EFNA3: variants seen among roughly 807,000 people sequenced by gnomAD.
The protein encoded by EFNA3 is ephrin-A3.
In EFNA3, 15 loss-of-function variants were observed where a neutral mutation model predicts 25.0. The ratio of observed to expected loss-of-function variants is 0.60; its 90% CI spans 0.40 to 0.92. The LOEUF (loss-of-function observed/expected upper bound fraction) is 0.92, where lower values mean the gene tolerates loss of function less well. Among genes scored for constraint, EFNA3 ranks in the 40% least tolerant of loss-of-function variants. The pLI is 0.00. For missense variants in EFNA3, 298 were observed against 323.8 expected (o/e 0.92, Z 0.61); for synonymous variants, 153 against 145.6 (o/e 1.05, Z -0.37).
intron 1 of EFNA3, among the ~76,000 whole-genome samples, chr1:155,082,403 C>G (rs1349187596): frequency 1.3e-5 from 2 of 152,242 alleles, no homozygotes; most frequent in Non-Finnish European, 2.9e-5. Flanking sequence ...CCCTGTTTAC[C>G]TGCCCTAATT....
chr1:155,078,961 TGCTGCTGCTGCTGCTCGTGCCCGTGCC>T lies in EFNA3; in HGVS notation c.29_55del (p.Leu10_Leu18del). 1 of 1,421,934 alleles carries T rather than the reference TGCTGCTGCTGCTGCTCGTGCCCGTGCC, an allele frequency of 7.0e-7. No homozygotes were observed. Among genetic ancestry groups the T allele is most frequent in the Non-Finnish European group, 9.2e-7 (1 of 1,086,908 alleles). 88.1% of individuals were successfully genotyped at this position (1,421,934 alleles called of 1,614,324 possible). A position where few individuals can be genotyped will look rare whatever the true frequency, so the allele number is the denominator to read the frequency against. On this transcript the variant is annotated inframe_deletion, in exon 1 of 5. Transcript: ENST00000368408. ...CCGGGGATGGCGGCGGCTCCGCTGCTGCTGCTGCTGCTGCTCGTGCCCGTGCCGCTGCTGCCGCTGCTGGCCCAAGGG... is the reference window on the plus strand; with the variant it reads ...CCGGGGATGGCGGCGGCTCCGCTGCTGCTGCTGCCGCTGCTGGCCCAAGGG...
At position 155,081,118 on chromosome 1, in the gene EFNA3, A is replaced by AC. The variant is rs930695176; in HGVS notation, c.128+2053dup. 1.4e-4 allele frequency among the ~76,000 whole-genome samples: 21 copies of AC among 151,174 alleles called. No homozygotes were observed. The East Asian group carries it at 4.1e-3, about 30-fold the overall frequency. On this transcript the variant is annotated intron_variant, in intron 1 of 4. Coordinates refer to ENST00000368408, the MANE Select transcript of EFNA3 (RefSeq NM_004952.5). The surrounding 1 kb of genome is among the most constrained non-coding windows in gnomAD (Gnocchi z 5.2). Reference sequence around the variant, plus strand: ...GGGGTCACGTGGGGAGGGTCTTGCGACCCCGCCTCCTGGGGGGGTCACGTG... The same window carrying AC: ...GGGGTCACGTGGGGAGGGTCTTGCGACCCCCGCCTCCTGGGGGGGTCACGTG...
In EFNA3 at chr1:155,079,127, G is replaced by A; in HGVS notation, c.128+58G>A. The A allele has an allele frequency of 3.1e-6, 4 of 1,288,644 alleles. No individual in the cohort carries two copies. Among genetic ancestry groups the A allele is most frequent in the Non-Finnish European group, 4.0e-6 (4 of 1,010,658 alleles). The allele number at this position is 1,288,644 out of a possible 1,614,324, so 79.8% of individuals were successfully genotyped here. A position where few individuals can be genotyped will look rare whatever the true frequency, so the allele number is the denominator to read the frequency against. On this transcript the variant is annotated intron_variant, in intron 1 of 4. Coordinates refer to ENST00000368408, the MANE Select transcript of EFNA3 (RefSeq NM_004952.5). This position sits in a 1 kb window ranked among gnomAD's most constrained non-coding sequence, Gnocchi z 7.7. Reference sequence around the variant, plus strand: ...CGTCTCAGTGAGAGGGGGAGCCGGTGGGCCCGAGAAGTCCTGGGGGATCCC... The same window carrying A: ...CGTCTCAGTGAGAGGGGGAGCCGGTAGGCCCGAGAAGTCCTGGGGGATCCC...
chr1:155,078,964 TGCTGCTGCTGCTCGTGCCCGTGCC>T lies in EFNA3; in HGVS notation c.32_55del (p.Leu11_Leu18del). 3 of 1,427,050 alleles carry T rather than the reference TGCTGCTGCTGCTCGTGCCCGTGCC, an allele frequency of 2.1e-6. No homozygotes were observed. 88.4% of individuals were successfully genotyped at this position (1,427,050 alleles called of 1,614,324 possible). On this transcript the variant is annotated inframe_deletion, in exon 1 of 5. Transcript: ENST00000368408. Reference sequence around the variant, plus strand: ...GGGATGGCGGCGGCTCCGCTGCTGCTGCTGCTGCTGCTCGTGCCCGTGCCGCTGCTGCCGCTGCTGGCCCAAGGG... The same window carrying T: ...GGGATGGCGGCGGCTCCGCTGCTGCTGCTGCTGCCGCTGCTGGCCCAAGGG...
chr1:155,084,974 C>T, intron 1 of EFNA3, 117 bp from the exon 2 acceptor site: 2 of 1,207,100 alleles, frequency 1.7e-6, no homozygotes, highest in Admixed American at 2.2e-5. Flanking sequence ...CGCGAGGAAG[C>T]TCGGAGGAAA....
At chr1:155,086,290 TG>T (rs1663460508) in intron 4 of EFNA3, 85 bp downstream of exon 4, 11 of 1,595,000 alleles carry the variant, frequency 6.9e-6, no homozygotes, top group African/African-American at 1.3e-5. Context: ...ATGCCTTCCC[TG>T]GGGGCACTGA....
Position 155,078,914 on chromosome 1 carries a change from G to A in EFNA3, c.-28G>A. On this transcript the variant is annotated 5_prime_UTR_variant, in exon 1 of 5. Transcript: ENST00000368408. ...AAGCCGGGAGCGCGGGGCTCAGTCG[G>A]GGGGCGGCGGCGGCGGCGGCTCCGG... 4.4e-6 allele frequency: 6 copies of A among 1,374,946 alleles called. No individual in the cohort carries two copies. The highest frequency in any genetic ancestry group is 4.7e-6 in the Non-Finnish European group (5 of 1,065,556). The allele number at this position is 1,374,946 out of a possible 1,614,324, so 85.2% of individuals were successfully genotyped here. A position where few individuals can be genotyped will look rare whatever the true frequency, so the allele number is the denominator to read the frequency against.
In EFNA3 at chr1:155,079,971, G is replaced by T. The variant is rs1477132189; in HGVS notation, c.128+902G>T. Among the ~76,000 whole-genome samples the T allele has an allele frequency of 1.3e-5, 2 of 152,026 alleles. No individual in the cohort carries two copies. The highest frequency in any genetic ancestry group is 2.9e-5 in the Non-Finnish European group (2 of 67,980). ...CAGGGCGGCCGTGTGGTTTCCCGGG[G>T]TGTGTGGCGCGGTGGCCGGGTGCTG... On this transcript the variant is annotated intron_variant, in intron 1 of 4. Transcript: ENST00000368408. This position sits in a 1 kb window ranked among gnomAD's most constrained non-coding sequence, Gnocchi z 7.7.
Position 155,080,037 on chromosome 1 carries a change from C to A in EFNA3, c.128+968C>A, listed in dbSNP as rs1328179349. Among the ~76,000 whole-genome samples, 1 of 152,046 alleles carries A rather than the reference C, an allele frequency of 6.6e-6. No individual in the cohort carries two copies. The highest frequency in any genetic ancestry group is 1.5e-5 in the Non-Finnish European group (1 of 67,986). ...CCTCATTCTGCTCAGTCCTTGCTGC[C>A]CTTGTCTTCTCCTCCCCGCCAAGCC... On this transcript the variant is annotated intron_variant, in intron 1 of 4. Transcript: ENST00000368408. This position sits in a 1 kb window ranked among gnomAD's most constrained non-coding sequence, Gnocchi z 7.0.
In EFNA3 at chr1:155,080,038, C is replaced by G. The variant is rs1023706376; in HGVS notation, c.128+969C>G. 4.6e-5 allele frequency among the ~76,000 whole-genome samples: 7 copies of G among 152,038 alleles called. No individual in the cohort carries two copies. The highest frequency in any genetic ancestry group is 1.7e-4 in the African/African-American group (7 of 41,382). ...CTCATTCTGCTCAGTCCTTGCTGCC[C>G]TTGTCTTCTCCTCCCCGCCAAGCCG... On this transcript the variant is annotated intron_variant, in intron 1 of 4. Transcript: ENST00000368408. The surrounding 1 kb of genome is among the most constrained non-coding windows in gnomAD (Gnocchi z 7.0).
chr1:155,086,531 C>T lies in EFNA3; in HGVS notation c.705C>T (p.Phe235=), dbSNP rs1663466407. ...GCATCGCCTTCTTCCTCATGACGTT[C>T]TTGGCCTCCTAGCTCTGCCCCCTCC... ...AVGIAFFLMT[F]LAS The change falls in exon 5 of 5, where the codon TTC becomes TTT. Residue 235 remains phenylalanine, a synonymous_variant. Coordinates refer to ENST00000368408, the MANE Select transcript of EFNA3 (RefSeq NM_004952.5). 3 of 1,613,424 alleles carry T rather than the reference C, an allele frequency of 1.9e-6. No individual in the cohort carries two copies. Among genetic ancestry groups the T allele is most frequent in the Non-Finnish European group, 2.5e-6 (3 of 1,179,940 alleles).
intron 1 of EFNA3, among the ~76,000 whole-genome samples, chr1:155,083,331 A>G (rs1398301220): frequency 6.6e-6 from 1 of 152,186 alleles, no homozygotes; most frequent in Non-Finnish European, 1.5e-5. Context: ...CCCCTCCCCA[A>G]GGCCTGAGGG....
chr1:155,083,770 A>T (rs1571663379), intron 1 of EFNA3, among the ~76,000 whole-genome samples: 1 of 152,198 alleles, frequency 6.6e-6, no homozygotes, highest in Non-Finnish European at 1.5e-5. Context: ...CTGGTGACAT[A>T]GGGAGCCAGT....
Position 155,078,965 on chromosome 1 carries a change from G to GCTGCTGCTGCTC in EFNA3, c.25_36dup (p.Leu9_Leu12dup), listed in dbSNP as rs1225066391. ...GGATGGCGGCGGCTCCGCTGCTGCTGCTGCTGCTGCTCGTGCCCGTGCCGC... is the reference window on the plus strand; with the variant it reads ...GGATGGCGGCGGCTCCGCTGCTGCTGCTGCTGCTGCTCCTGCTGCTGCTCGTGCCCGTGCCGC... On this transcript the variant is annotated inframe_insertion, in exon 1 of 5. Coordinates refer to ENST00000368408, the MANE Select transcript of EFNA3 (RefSeq NM_004952.5). 1.4e-6 allele frequency: 2 copies of GCTGCTGCTGCTC among 1,428,662 alleles called. No individual in the cohort carries two copies. Among genetic ancestry groups the GCTGCTGCTGCTC allele is most frequent in the African/African-American group, 3.0e-5 (2 of 66,582 alleles). The allele number at this position is 1,428,662 out of a possible 1,614,324, so 88.5% of individuals were successfully genotyped here.
Position 155,086,166 on chromosome 1 carries a change from C to G in EFNA3, c.547C>G (p.Gln183Glu). 6.2e-7 allele frequency: 1 copy of G among 1,613,986 alleles called. No homozygotes were observed. Among genetic ancestry groups the G allele is most frequent in the Non-Finnish European group, 8.5e-7 (1 of 1,179,920 alleles). The change falls in exon 4 of 5, where the codon CAG (glutamine) becomes GAG (glutamate). Residue 183 changes from glutamine (Q) to glutamate (E), a missense_variant. By Grantham distance (29) the Gln-to-Glu change is conservative (BLOSUM62 2). Transcript: ENST00000368408. Reference sequence around the variant, plus strand: ...GGAGAAGCCGGTCCCCACTCTCCCCCAGTTCACCATGGGCCCCAATGTGAA... The same window carrying G: ...GGAGAAGCCGGTCCCCACTCTCCCCGAGTTCACCATGGGCCCCAATGTGAA... Reference protein sequence around the residue: ...SGEKPVPTLPQFTMGPNVKIN... With the variant: ...SGEKPVPTLPEFTMGPNVKIN...
chr1:155,082,449 C>A (rs992914608), intron 1 of EFNA3, among the ~76,000 whole-genome samples: 2 of 152,230 alleles, frequency 1.3e-5, no homozygotes, highest in Non-Finnish European at 2.9e-5. Context: ...TCCTTCCCCG[C>A]TCCGCCCGCC....
At position 155,085,742 on chromosome 1, in the gene EFNA3, T is replaced by G; in HGVS notation, c.443-135T>G. 9.7e-7 allele frequency: 1 copy of G among 1,030,518 alleles called. No individual in the cohort carries two copies. The highest frequency in any genetic ancestry group is 1.4e-6 in the Non-Finnish European group (1 of 696,054). The allele number at this position is 1,030,518 out of a possible 1,614,324, so 63.8% of individuals were successfully genotyped here. On this transcript the variant is annotated intron_variant, in intron 2 of 4. Transcript: ENST00000368408. This position sits in a 1 kb window ranked among gnomAD's most constrained non-coding sequence, Gnocchi z 4.4. ...CCGACGGCAGAGCTAAAGTGACCCG[T>G]GTCCAAAGGGTAGGGGAGCTCCTGA...
At position 155,078,895 on chromosome 1, in the gene EFNA3, G is replaced by C; in HGVS notation, c.-47G>C. The C allele has an allele frequency of 2.2e-6, 3 of 1,343,880 alleles. No individual in the cohort carries two copies. Among genetic ancestry groups the C allele is most frequent in the Non-Finnish European group, 1.9e-6 (2 of 1,049,706 alleles). 83.2% of individuals were successfully genotyped at this position (1,343,880 alleles called of 1,614,324 possible). A position where few individuals can be genotyped will look rare whatever the true frequency, so the allele number is the denominator to read the frequency against. On this transcript the variant is annotated 5_prime_UTR_variant, in exon 1 of 5. Transcript: ENST00000368408. Reference sequence around the variant, plus strand: ...AGGGAGCTGGGAAGCGGAGAAGCCGGGAGCGCGGGGCTCAGTCGGGGGGCG... The same window carrying C: ...AGGGAGCTGGGAAGCGGAGAAGCCGCGAGCGCGGGGCTCAGTCGGGGGGCG...
chr1:155,082,173 G>T (rs1663354866), intron 1 of EFNA3, among the ~76,000 whole-genome samples: 1 of 152,168 alleles, frequency 6.6e-6, no homozygotes, highest in Admixed American at 6.5e-5. Context: ...CGGACCCCAC[G>T]CCGCGCACAC....
Sources: gnomAD v4.1 joint callset for allele counts (sites outside exome capture counted in the v4.1 genomes callset) on GRCh38, gnomAD v4.1.1 for gene constraint, Gnocchi (gnomAD v3.1) non-coding constraint, MANE v1.5 for transcripts, NCBI Gene and HGNC (gene_info 2026-07-23, HGNC 2026-07-21) for gene names.